Variants in LIG3 observed in about 807,000 individuals in gnomAD.
LIG3 encodes the protein ligase II, DNA, ATP-dependent.
LIG3 carries 58 observed loss-of-function variants against 110.9 expected under a neutral mutation model. That is an observed-to-expected ratio of 0.52 (90% CI 0.42 to 0.65). LIG3 has a LOEUF of 0.65. Ranked by LOEUF, LIG3 falls within the 30% of genes least tolerant of loss-of-function variation. The probability of loss-of-function intolerance (pLI) is 0.00; values close to 1 mark genes in which losing one functional copy is unlikely to be tolerated. For synonymous variants in LIG3, 422 were observed against 472.8 expected (o/e 0.89, Z 1.39); for missense variants, 1,094 against 1,273.8 (o/e 0.86, Z 2.15).
chr17:34,987,162 T>TA (rs1360055804), intron 3 of LIG3, among the ~76,000 whole-genome samples: 2 of 152,240 alleles, frequency 1.3e-5, no homozygotes, highest in East Asian at 3.8e-4. Context: ...AATATAGAAT[T>TA]ACTATTTCAT....
At position 34,989,608 on chromosome 17, in the gene LIG3, C is replaced by G; in HGVS notation, c.834C>G (p.Ser278Arg). Residue 278 changes from serine to arginine, a missense_variant, in exon 4 of 20, where the codon AGC (serine) becomes AGG (arginine). Physicochemically the swap from Ser to Arg is moderately radical, Grantham distance 110. Coordinates refer to ENST00000378526, the MANE Select transcript of LIG3 (RefSeq NM_013975.4). ...KLCAMVADNPSYNTKTQIIQD... is the reference protein window; with the variant it reads ...KLCAMVADNPRYNTKTQIIQD... ...GCGCCATGGTGGCCGATAATCCTAG[C>G]TACAACACGAAGACCCAGATCATCC... 1 of 1,614,132 alleles carries G rather than the reference C, an allele frequency of 6.2e-7. No individual in the cohort carries two copies. The highest frequency in any genetic ancestry group is 8.5e-7 in the Non-Finnish European group (1 of 1,180,020).
rs1349838727 is a variant in LIG3 at position 34,992,594 on chromosome 17, C to T, written c.1357C>T (p.Arg453Trp). The change falls in exon 8 of 20, where the codon CGG (arginine) becomes TGG (tryptophan). Residue 453 changes from arginine (R) to tryptophan (W), a missense_variant. Physicochemically the swap from Arg to Trp is moderately radical, Grantham distance 101. Transcript: ENST00000378526. ...GCGCAACCTGCAGGATGTGGTGGAG[C>T]GGGTCCTTCACAACGCGCAGGAGGT... is the stretch of plus-strand genomic sequence containing the variant. Reference protein sequence around the residue: ...ASRNLQDVVERVLHNAQEVEK... With the variant: ...ASRNLQDVVEWVLHNAQEVEK... 3.7e-6 allele frequency: 6 copies of T among 1,613,774 alleles called. No homozygotes were observed. Among genetic ancestry groups the T allele is most frequent in the South Asian group, 1.1e-5 (1 of 91,044 alleles).
chr17:35,007,446 C>G lies in LIG3; in HGVS notation c.*2940C>G, dbSNP rs1028037569. ...CCAGCAGAATGCTGGAGGCCTCCCTCTTCTGAACCTCTACATGCTGCTGGC... is the reference window on the plus strand; with the variant it reads ...CCAGCAGAATGCTGGAGGCCTCCCTGTTCTGAACCTCTACATGCTGCTGGC... On this transcript the variant is annotated 3_prime_UTR_variant, in exon 20 of 20. Transcript: ENST00000378526. 1 of 152,250 alleles carries G rather than the reference C, an allele frequency of 6.6e-6. No individual in the cohort carries two copies. Among genetic ancestry groups the G allele is most frequent in the African/African-American group, 2.4e-5 (1 of 41,460 alleles). The allele number at this position is 152,250 out of a possible 1,614,324, so 9.4% of individuals were successfully genotyped here.
At position 34,996,150 on chromosome 17, in the gene LIG3, C is replaced by A; in HGVS notation, c.1698C>A (p.Asn566Lys). The change falls in exon 10 of 20, where the codon AAC becomes AAA. Residue 566 changes from asparagine to lysine, a missense_variant. By Grantham distance (94) the Asn-to-Lys change is moderately conservative. Coordinates refer to ENST00000378526, the MANE Select transcript of LIG3 (RefSeq NM_013975.4). ...ILDSEVLLIDNKTGKPLPFGT... is the reference protein window; with the variant it reads ...ILDSEVLLIDKKTGKPLPFGT... ...ATTCTGAAGTGCTTCTGATTGACAACAAGACAGGCAAACCACTGCCCTTTG... is the reference window on the plus strand; with the variant it reads ...ATTCTGAAGTGCTTCTGATTGACAAAAAGACAGGCAAACCACTGCCCTTTG... 1.2e-6 allele frequency: 2 copies of A among 1,614,156 alleles called. No individual in the cohort carries two copies. The highest frequency in any genetic ancestry group is 2.2e-5 in the East Asian group (1 of 44,874).
At chr17:34,990,819 A>G in intron 4 of LIG3, 144 bp from the exon 5 acceptor site, 2 of 690,686 alleles carry the variant, frequency 2.9e-6, no homozygotes, top group Non-Finnish European at 4.7e-6. Flanking sequence ...GTGGTCTCAA[A>G]CTTGTGAGCT....
chr17:34,992,818 G>A (rs998151815), intron 8 of LIG3, 126 bp downstream of exon 8: 15 of 957,948 alleles, frequency 1.6e-5, no homozygotes, highest in Non-Finnish European at 2.0e-5. Flanking sequence ...AGGGAAGGAA[G>A]AGGGAGGTGC....
chr17:34,990,797 T>G (rs2090711220), intron 4 of LIG3, among the ~76,000 whole-genome samples, 166 bp from the exon 5 acceptor site: 1 of 152,160 alleles, frequency 6.6e-6, no homozygotes, highest in African/African-American at 2.4e-5. Flanking sequence ...GGGGTCTTTC[T>G]TTGTTGCCAG....
intron 2 of LIG3, among the ~76,000 whole-genome samples, chr17:34,983,800 T>A (rs137861071): frequency 3.7e-4 from 56 of 152,316 alleles, no homozygotes; most frequent in Admixed American, 7.2e-4. Context: ...TGCCCAGCCT[T>A]TAACGTTTTA....
In LIG3 at chr17:34,998,249, C is replaced by G. The variant is rs760754334; in HGVS notation, c.1942C>G (p.Arg648Gly). The G allele has an allele frequency of 6.2e-7, 1 of 1,613,632 alleles. No individual in the cohort carries two copies. The highest frequency in any genetic ancestry group is 8.5e-7 in the Non-Finnish European group (1 of 1,179,762). ...KALDLADMIT[R>G]VIQEGLEGLV... ...TTTGGACTTGGCTGACATGATAACC[C>G]GGGTGATCCAGGAGGGATTGGAGGG... Residue 648 changes from arginine to glycine, a missense_variant, in exon 13 of 20, where the codon CGG (arginine) becomes GGG (glycine). Coordinates refer to ENST00000378526, the MANE Select transcript of LIG3 (RefSeq NM_013975.4).
At chr17:34,995,568 G>A in intron 9 of LIG3, among the ~76,000 whole-genome samples, 1 of 152,124 alleles carries the variant, frequency 6.6e-6, no homozygotes, top group Non-Finnish European at 1.5e-5. Flanking sequence ...TAAGCATCCT[G>A]GGTAGTGATG....
chr17:34,996,303 C>G, intron 10 of LIG3, 108 bp downstream of exon 10: 2 of 1,301,836 alleles, frequency 1.5e-6, no homozygotes, highest in South Asian at 1.4e-5. Context: ...TAGTGTGGCC[C>G]TTATTCTTCG....
At position 34,999,432 on chromosome 17, in the gene LIG3, A is replaced by G; in HGVS notation, c.2239A>G (p.Met747Val). The G allele has an allele frequency of 2.5e-6, 4 of 1,613,928 alleles. No homozygotes were observed. The South Asian group carries it at 4.4e-5, about 18-fold the overall frequency. The change falls in exon 15 of 20, where the codon ATG becomes GTG. Residue 747 changes from methionine (M) to valine (V), a missense_variant. By Grantham distance (21) the Met-to-Val change is conservative. Transcript: ENST00000378526. ...TLARLQNELD[M>V]VKISKDPSKI... is the part of the protein sequence containing the mutation. The stretch of plus-strand genomic sequence containing the variant: ...TGCCCGCCTGCAGAATGAACTAGAC[A>G]TGGTGAAGATCAGCAAGGTGAGGAA...
rs2090816314 is a variant in LIG3, at chr17:34,999,444, A to T, written c.2251A>T (p.Ser751Cys). Reference protein sequence around the residue: ...LQNELDMVKISKDPSKIPSWL... With the variant: ...LQNELDMVKICKDPSKIPSWL... ...GAATGAACTAGACATGGTGAAGATCAGCAAGGTGAGGAAGGGACCTGGTTG... is the reference window on the plus strand; with the variant it reads ...GAATGAACTAGACATGGTGAAGATCTGCAAGGTGAGGAAGGGACCTGGTTG... The change falls in exon 15 of 20, where the codon AGC (serine) becomes TGC (cysteine). Residue 751 changes from serine to cysteine, a missense_variant. Ser to Cys is a moderately radical substitution (Grantham distance 112). Coordinates refer to ENST00000378526, the MANE Select transcript of LIG3 (RefSeq NM_013975.4). The T allele has an allele frequency of 6.2e-7, 1 of 1,613,660 alleles. No individual in the cohort carries two copies. The highest frequency in any genetic ancestry group is 1.7e-5 in the Admixed American group (1 of 59,968).
At chr17:34,997,998 G>A (rs759301038) in intron 12 of LIG3, 173 bp downstream of exon 12, 61 of 662,682 alleles carry the variant, frequency 9.2e-5, no homozygotes, top group Non-Finnish European at 1.2e-4. Flanking sequence ...CAGAAGGGTA[G>A]GGCATGGAAA....
Position 34,996,111 on chromosome 17 carries a change from C to G in LIG3, c.1659C>G (p.His553Gln). The G allele has an allele frequency of 6.2e-7, 1 of 1,614,150 alleles. No individual in the cohort carries two copies. The highest frequency in any genetic ancestry group is 8.5e-7 in the Non-Finnish European group (1 of 1,179,996). Residue 553 changes from histidine (H) to glutamine (Q), a missense_variant, in exon 10 of 20, where the codon CAC (histidine) becomes CAG (glutamine). His to Gln is a conservative substitution (Grantham distance 24). Coordinates refer to ENST00000378526, the MANE Select transcript of LIG3 (RefSeq NM_013975.4). The part of the protein sequence containing the change: ...DYIPQAFPGG[H>Q]SMILDSEVLL... Reference sequence around the variant, plus strand: ...TTCCCCAGGCTTTTCCTGGGGGCCACAGCATGATCTTGGATTCTGAAGTGC... The same window carrying G: ...TTCCCCAGGCTTTTCCTGGGGGCCAGAGCATGATCTTGGATTCTGAAGTGC...
In LIG3 at chr17:34,999,089, C is replaced by A. The variant is rs145225624; in HGVS notation, c.2114-218C>A. ...CATGTGTCCAACACAGTTCAATGCC[C>A]CAGAGCCCAACAGGTTGGGTGTGAT... On this transcript the variant is annotated intron_variant, in intron 14 of 19. Transcript: ENST00000378526. 2,257 of 561,136 alleles carry A rather than the reference C, an allele frequency of 4.0e-3. 8 individuals carry two copies. Among genetic ancestry groups the A allele is most frequent in the Middle Eastern group, 9.8e-3 (21 of 2,140 alleles). The allele number at this position is 561,136 out of a possible 1,614,324, so 34.8% of individuals were successfully genotyped here.
At position 34,999,435 on chromosome 17, in the gene LIG3, G is replaced by A; in HGVS notation, c.2242G>A (p.Val748Met). 2 of 1,613,948 alleles carry A rather than the reference G, an allele frequency of 1.2e-6. No individual in the cohort carries two copies. The highest frequency in any genetic ancestry group is 1.1e-5 in the South Asian group (1 of 91,024). Residue 748 changes from valine (V) to methionine (M), a missense_variant, in exon 15 of 20, where the codon GTG becomes ATG. By Grantham distance (21) the Val-to-Met change is conservative. Transcript: ENST00000378526. ...CCGCCTGCAGAATGAACTAGACATGGTGAAGATCAGCAAGGTGAGGAAGGG... is the reference window on the plus strand; with the variant it reads ...CCGCCTGCAGAATGAACTAGACATGATGAAGATCAGCAAGGTGAGGAAGGG... ...LARLQNELDM[V>M]KISKDPSKIP...
Position 34,983,480 on chromosome 17 carries a change from G to T in LIG3, c.475G>T (p.Asp159Tyr), listed in dbSNP as rs771748154. ...CCGGGCCACCACAAAAAAAATCGAG[G>T]ACCTCACAGAGCTGGAAGGCTGGGA... ...RARATTKKIE[D>Y]LTELEGWEEL... Residue 159 changes from aspartate (D) to tyrosine (Y), a missense_variant, in exon 2 of 20, where the codon GAC becomes TAC. Transcript: ENST00000378526. 12 of 1,614,128 alleles carry T rather than the reference G, an allele frequency of 7.4e-6. No homozygotes were observed. In the East Asian group the frequency reaches 2.7e-4, roughly 36 times the overall value.
Position 35,002,816 on chromosome 17 carries a change from C to T in LIG3, c.2796+27C>T, listed in dbSNP as rs747067691. The T allele has an allele frequency of 1.6e-5, 25 of 1,579,364 alleles. 1 individual carries two copies. Among genetic ancestry groups the T allele is most frequent in the Admixed American group, 1.2e-4 (7 of 57,744 alleles). On this transcript the variant is annotated intron_variant, in intron 19 of 19. Transcript: ENST00000378526. ...TGAGGGTAAAAACAGCAACACACCA[C>T]GTGGGCCAGTTTAGCCCAGGTTGTG... is the stretch of plus-strand genomic sequence containing the variant.
Sources: allele counts gnomAD v4.1 joint callset (sites outside exome capture counted in the v4.1 genomes callset), GRCh38; gene constraint gnomAD v4.1.1; transcripts MANE v1.5; gene names NCBI Gene and HGNC (gene_info 2026-07-23, HGNC 2026-07-21).